TTC12: variants seen among roughly 807,000 people sequenced by gnomAD.
TTC12 encodes the protein tetratricopeptide repeat protein 12.
In TTC12, 70 loss-of-function variants were observed where a neutral mutation model predicts 90.1. The ratio of observed to expected loss-of-function variants is 0.78; its 90% confidence interval spans 0.64 to 0.95. The LOEUF (loss-of-function observed/expected upper bound fraction) is 0.95. Ranked by LOEUF, TTC12 falls within the 40% of genes least tolerant of loss-of-function variation. TTC12 has a pLI of 0.00. For synonymous variants in TTC12, 296 were observed against 311.5 expected (o/e 0.95, Z 0.53); for missense variants, 819 against 846.1 (o/e 0.97, Z 0.40).
intron 21 of TTC12, among the ~76,000 whole-genome samples, chr11:113,365,826 T>C (rs1395370730): frequency 6.6e-6 from 1 of 152,212 alleles, no homozygotes; most frequent in Non-Finnish European, 1.5e-5. Context: ...TTGAGGGGGT[T>C]GGCCTTGATA....
At chr11:113,333,074 G>A (rs550544477) in intron 7 of TTC12, among the ~76,000 whole-genome samples, 1 of 152,088 alleles carries the variant, frequency 6.6e-6, no homozygotes, top group East Asian at 1.9e-4. Context: ...CATACCTCTT[G>A]TTCAGCCATT....
intron 11 of TTC12, 25 bp downstream of exon 11, chr11:113,340,758 C>A: frequency 6.3e-7 from 1 of 1,590,788 alleles, no homozygotes; most frequent in Non-Finnish European, 8.6e-7. Flanking sequence ...AGAGACAGCC[C>A]AGCAGCAAAG....
intron 7 of TTC12, among the ~76,000 whole-genome samples, chr11:113,332,992 G>T (rs1177429363): frequency 6.6e-6 from 1 of 151,986 alleles, no homozygotes; most frequent in Non-Finnish European, 1.5e-5. Context: ...CTCTCACCAG[G>T]ACTTCAGATA....
chr11:113,327,977 C>G (rs1051065462), intron 6 of TTC12, among the ~76,000 whole-genome samples: 4 of 152,192 alleles, frequency 2.6e-5, no homozygotes, highest in Non-Finnish European at 5.9e-5. Flanking sequence ...TCCCTCCTCA[C>G]TTGGGTTGGA....
chr11:113,341,534 T>C (rs1042031687), intron 11 of TTC12: 2 of 376,082 alleles, frequency 5.3e-6, no homozygotes, highest in African/African-American at 4.1e-5. Context: ...GATACCCGTG[T>C]GGGTTGGAGT....
intron 5 of TTC12, among the ~76,000 whole-genome samples, 173 bp from the exon 6 acceptor site, chr11:113,325,351 A>T (rs534787358): frequency 6.6e-6 from 1 of 152,300 alleles, no homozygotes; most frequent in East Asian, 1.9e-4. Context: ...AGGAAAAAAA[A>T]TACTTGAAGA....
intron 2 of TTC12, among the ~76,000 whole-genome samples, chr11:113,322,047 G>A (rs1368975107): frequency 6.6e-6 from 1 of 152,174 alleles, no homozygotes; most frequent in Non-Finnish European, 1.5e-5. Flanking sequence ...CAAATACTAA[G>A]TATTAAAGCA....
At chr11:113,359,235 C>G in intron 16 of TTC12, 128 bp from the exon 17 acceptor site, 1 of 621,948 alleles carries the variant, frequency 1.6e-6, no homozygotes, top group Non-Finnish European at 2.9e-6. Context: ...CCTCCACCAT[C>G]ATTTAGGTTC....
At position 113,341,943 on chromosome 11, in the gene TTC12, C is replaced by T. The variant is rs1555146289; in HGVS notation, c.985+18C>T. On this transcript the variant is annotated intron_variant, in intron 12 of 21. Transcript: ENST00000529221. ...CAGGAACGGTAAGCCTGGGTAATCA[C>T]CGTTGATCACCATTAATGCGCTGCG... 1.3e-6 allele frequency: 2 copies of T among 1,596,000 alleles called. No individual in the cohort carries two copies. Among genetic ancestry groups the T allele is most frequent in the Non-Finnish European group, 1.7e-6 (2 of 1,163,432 alleles).
At chr11:113,358,446 C>T (rs559973517) in intron 16 of TTC12, among the ~76,000 whole-genome samples, 3 of 152,260 alleles carry the variant, frequency 2.0e-5, no homozygotes, top group Admixed American at 1.3e-4. Context: ...GTGTGGGCCC[C>T]CAGAGCCCCC....
chr11:113,339,605 A>G, intron 10 of TTC12, 131 bp downstream of exon 10: 1 of 821,436 alleles, frequency 1.2e-6, no homozygotes. Flanking sequence ...ACGCTAATGT[A>G]GCTGCTAAAA....
chr11:113,351,334 A>G, intron 15 of TTC12, 35 bp downstream of exon 15: 1 of 1,585,408 alleles, frequency 6.3e-7, no homozygotes, highest in Non-Finnish European at 8.7e-7. Context: ...TCTGTAACAG[A>G]CACTCTCAGG....
At chr11:113,346,251 A>C (rs1289429557) in intron 13 of TTC12, among the ~76,000 whole-genome samples, 1 of 151,846 alleles carries the variant, frequency 6.6e-6, no homozygotes, top group Non-Finnish European at 1.5e-5. Flanking sequence ...TGCTTGTGTG[A>C]CCCAGGAAAG....
intron 11 of TTC12, 77 bp downstream of exon 11, chr11:113,340,810 A>C (rs1258374578): frequency 1.6e-6 from 2 of 1,248,300 alleles, no homozygotes; most frequent in Admixed American, 3.4e-5. Context: ...GACACGAGGC[A>C]CATAGACAGT....
chr11:113,362,003 A>G (rs1160189656), intron 18 of TTC12, among the ~76,000 whole-genome samples: 1 of 151,960 alleles, frequency 6.6e-6, no homozygotes, highest in Non-Finnish European at 1.5e-5. Flanking sequence ...TAAATGAACT[A>G]TCCCAGAAAC....
At position 113,339,401 on chromosome 11, in the gene TTC12, C is replaced by CTT. The variant is rs782394149; in HGVS notation, c.753_754insTT (p.Leu252PhefsTer19). On this transcript the variant is annotated frameshift_variant, in exon 10 of 22. Transcript: ENST00000529221. LOFTEE classifies it high-confidence loss of function. ...TGACCACCAAGAACCTCCTGGAGAC[C>CTT]CTTTCCAAGCCTGACCAGATCCCCT... 1 of 1,613,850 alleles carries CTT rather than the reference C, an allele frequency of 6.2e-7. No homozygotes were observed. The highest frequency in any genetic ancestry group is 1.1e-5 in the South Asian group (1 of 91,018).
intron 5 of TTC12, among the ~76,000 whole-genome samples, chr11:113,325,076 A>G (rs955843788): frequency 3.3e-5 from 5 of 152,178 alleles, no homozygotes; most frequent in African/African-American, 1.2e-4. Flanking sequence ...CATCAAGGAA[A>G]AGGAAGGGAT....
chr11:113,346,098 C>T (rs782342860), intron 13 of TTC12, among the ~76,000 whole-genome samples: 9 of 152,150 alleles, frequency 5.9e-5, no homozygotes, highest in South Asian at 2.1e-4. Context: ...CGGCAGCACA[C>T]GTATCACATT....
At position 113,364,909 on chromosome 11, in the gene TTC12, A is replaced by G; in HGVS notation, c.1891A>G (p.Asn631Asp). 2.5e-6 allele frequency: 4 copies of G among 1,614,190 alleles called. No homozygotes were observed. Among genetic ancestry groups the G allele is most frequent in the Non-Finnish European group, 3.4e-6 (4 of 1,180,034 alleles). The change falls in exon 21 of 22, where the codon AAC becomes GAC. Residue 631 changes from asparagine to aspartate, a missense_variant. Coordinates refer to ENST00000529221, the MANE Select transcript of TTC12 (RefSeq NM_017868.4). ...LVGNAALCLG[N>D]CMEVPNVASS... ...GGGCAACGCTGCCCTCTGCCTTGGT[A>G]ACTGCATGGAGGTGCCCAACGTTGC... is the stretch of plus-strand genomic sequence containing the variant.
Sources: gnomAD v4.1 joint callset for allele counts (sites outside exome capture counted in the v4.1 genomes callset) on GRCh38, gnomAD v4.1.1 for gene constraint, MANE v1.5 for transcripts, NCBI Gene and HGNC (gene_info 2026-07-23, HGNC 2026-07-21) for gene names.